Variants in ATRNL1 observed in about 807,000 individuals in gnomAD.
ATRNL1 encodes the protein attractin like 1.
In ATRNL1, 95 loss-of-function variants were observed where a neutral mutation model predicts 182.7. The ratio of observed to expected loss-of-function variants is 0.52; its 90% CI spans 0.44 to 0.62. The LOEUF (loss-of-function observed/expected upper bound fraction) is 0.62. Among genes scored for constraint, ATRNL1 ranks in the 20% least tolerant of loss-of-function variants. The pLI is 0.00. For missense variants in ATRNL1, 1,471 were observed against 1,679.5 expected (o/e 0.88, Z 2.17); for synonymous variants, 576 against 568.3 (o/e 1.01, Z -0.19).
chr10:115,584,722 T>G (rs1430751437), intron 26 of ATRNL1, among the ~76,000 whole-genome samples: 1 of 152,162 alleles, frequency 6.6e-6, no homozygotes, highest in Admixed American at 6.5e-5. Flanking sequence ...ATTAATTTTT[T>G]GAAAGCTTTT....
At chr10:115,792,504 A>G (rs1949552521) in intron 27 of ATRNL1, among the ~76,000 whole-genome samples, 1 of 152,098 alleles carries the variant, frequency 6.6e-6, no homozygotes, top group Admixed American at 6.5e-5. Context: ...TTACTTATCT[A>G]AAACAGTATG....
chr10:115,871,469 TTGTGTGTGTGTATATATATATATA>T (rs139882670), intron 28 of ATRNL1, among the ~76,000 whole-genome samples: 7,698 of 140,314 alleles, frequency 0.055, 939 homozygotes, highest in African/African-American at 0.19. Context: ...GTCAGATTCT[TTGTGTGTGTGTATATATATATATA>T]TATATATATA....
chr10:115,482,421 A>G (rs7911480), intron 24 of ATRNL1, among the ~76,000 whole-genome samples: 74,587 of 150,534 alleles, frequency 0.5, 19,390 homozygotes, highest in African/African-American at 0.6. Context: ...TGGTAGTTTC[A>G]AAATTTCCAT....
At chr10:115,106,310 A>G (rs1338060731) in intron 1 of ATRNL1, among the ~76,000 whole-genome samples, 2 of 152,072 alleles carry the variant, frequency 1.3e-5, no homozygotes, top group Non-Finnish European at 2.9e-5. Context: ...CTATACCCCC[A>G]TTGTATCTAG....
intron 26 of ATRNL1, among the ~76,000 whole-genome samples, chr10:115,658,051 T>TTG (rs1210532716): frequency 6.6e-6 from 1 of 151,370 alleles, no homozygotes; most frequent in Non-Finnish European, 1.5e-5. Context: ...ACTCATCATA[T>TTG]TGTATAATTC....
intron 28 of ATRNL1, among the ~76,000 whole-genome samples, chr10:115,925,176 A>T (rs1326540714): frequency 6.6e-6 from 1 of 152,082 alleles, no homozygotes; most frequent in Admixed American, 6.6e-5. Flanking sequence ...CTAAATATAA[A>T]ATCATGTCCT....
chr10:115,879,573 C>G (rs1555108076), intron 28 of ATRNL1, among the ~76,000 whole-genome samples: 1 of 152,044 alleles, frequency 6.6e-6, no homozygotes, highest in Non-Finnish European at 1.5e-5. Context: ...AGAAAGGGAA[C>G]CGAGAATTTT....
chr10:115,597,324 G>A (rs1291740149), intron 26 of ATRNL1, among the ~76,000 whole-genome samples: 1 of 151,960 alleles, frequency 6.6e-6, no homozygotes, highest in Non-Finnish European at 1.5e-5. Flanking sequence ...CAAAATTATT[G>A]TTTTATGAAA....
intron 3 of ATRNL1, among the ~76,000 whole-genome samples, chr10:115,127,072 A>T (rs1393337795): frequency 6.6e-6 from 1 of 152,164 alleles, no homozygotes. Context: ...ATAGTTTTAA[A>T]TTTTTTGAAG....
chr10:115,850,929 G>A (rs1951039820), intron 28 of ATRNL1, among the ~76,000 whole-genome samples: 1 of 152,066 alleles, frequency 6.6e-6, no homozygotes, highest in Non-Finnish European at 1.5e-5. Flanking sequence ...ACCCCACTGT[G>A]TGAAGGACAG....
intron 26 of ATRNL1, among the ~76,000 whole-genome samples, chr10:115,658,003 A>C (rs1162025658): frequency 6.6e-6 from 1 of 151,444 alleles, no homozygotes; most frequent in Admixed American, 6.6e-5. Flanking sequence ...ATGTTAAACT[A>C]TACCCTATTT....
At chr10:115,907,451 T>C (rs1418307902) in intron 28 of ATRNL1, among the ~76,000 whole-genome samples, 1 of 152,224 alleles carries the variant, frequency 6.6e-6, no homozygotes. Context: ...GCCATGGGCC[T>C]TATGAACATG....
At chr10:115,328,249 T>C (rs1470536289) in intron 18 of ATRNL1, among the ~76,000 whole-genome samples, 1 of 152,150 alleles carries the variant, frequency 6.6e-6, no homozygotes, top group East Asian at 1.9e-4. Context: ...ACCCATCAGC[T>C]TTTCCATAAA....
chr10:115,854,276 T>C (rs1447984401), intron 28 of ATRNL1, among the ~76,000 whole-genome samples: 12 of 152,190 alleles, frequency 7.9e-5, no homozygotes, highest in Non-Finnish European at 1.3e-4. Context: ...TTCTCGCATC[T>C]CTGTAGTGTT....
chr10:115,564,929 AAAT>A (rs1317273115), intron 26 of ATRNL1, among the ~76,000 whole-genome samples: 4 of 152,050 alleles, frequency 2.6e-5, no homozygotes, highest in African/African-American at 7.2e-5. Flanking sequence ...GCAACATAAA[AAAT>A]AATATTTCAC....
At chr10:115,348,164 G>A (rs1463823727) in intron 19 of ATRNL1, among the ~76,000 whole-genome samples, 1 of 152,032 alleles carries the variant, frequency 6.6e-6, no homozygotes, top group Admixed American at 6.6e-5. Context: ...AGTAGAGATG[G>A]GGTTTCACAT....
intron 28 of ATRNL1, among the ~76,000 whole-genome samples, chr10:115,869,031 A>G (rs376251803): frequency 0.018 from 2,782 of 151,640 alleles, 77 homozygotes; most frequent in African/African-American, 0.064. Flanking sequence ...GGGTTTCACC[A>G]TGTTGGCCAG....
chr10:115,572,419 G>A (rs190181305), intron 26 of ATRNL1, among the ~76,000 whole-genome samples: 1 of 151,994 alleles, frequency 6.6e-6, no homozygotes, highest in Non-Finnish European at 1.5e-5. Flanking sequence ...TGATAGATTG[G>A]ATGCAACGGG....
At chr10:115,370,032 T>C (rs1857307288) in intron 19 of ATRNL1, among the ~76,000 whole-genome samples, 1 of 152,212 alleles carries the variant, frequency 6.6e-6, no homozygotes, top group South Asian at 2.1e-4. Context: ...ATTCTTGTCA[T>C]AGTGAATAAG....
Sources: gnomAD v4.1 joint callset for allele counts (sites outside exome capture counted in the v4.1 genomes callset) on GRCh38, gnomAD v4.1.1 for gene constraint, MANE v1.5 for transcripts, NCBI Gene and HGNC (gene_info 2026-07-23, HGNC 2026-07-21) for gene names.